The following COPG1 variants were observed in gnomAD, a reference collection of about 807,000 sequenced individuals.
COPG1 encodes the protein coat protein complex I subunit gamma 1, also known as coatomer subunit gamma-1.
In COPG1, 29 loss-of-function variants were observed where a neutral mutation model predicts 102.8. The ratio of observed to expected loss-of-function variants is 0.28; its 90% confidence interval spans 0.21 to 0.38. COPG1 has a LOEUF of 0.38. Among genes scored for constraint, COPG1 ranks in the 10% least tolerant of loss-of-function variants. The probability of loss-of-function intolerance (pLI) is 1.00; values close to 1 mark genes in which losing one functional copy is unlikely to be tolerated. For missense variants in COPG1, 875 were observed against 1,132.7 expected (o/e 0.77, Z 3.27); for synonymous variants, 406 against 421.6 (o/e 0.96, Z 0.45).
At chr3:129,252,492 C>T in intron 3 of COPG1, 131 bp downstream of exon 3, 1 of 1,014,846 alleles carries the variant, frequency 9.9e-7, no homozygotes, top group Non-Finnish European at 1.5e-6. Context: ...CTCTGGGTCC[C>T]CTCAGCATCC....
Position 129,277,721 on chromosome 3 carries a change from A to C in COPG1, c.*297A>C. On this transcript the variant is annotated 3_prime_UTR_variant, in exon 24 of 24. Coordinates refer to ENST00000314797, the MANE Select transcript of COPG1 (RefSeq NM_016128.4). The stretch of plus-strand genomic sequence containing the variant: ...AACATTCTCAACTCCTCTTGAATCT[A>C]TCCCCCAAGAAACCATCTTATCCCT... The C allele has an allele frequency of 3.3e-6, 1 of 301,384 alleles. No homozygotes were observed. 18.7% of individuals were successfully genotyped at this position (301,384 alleles called of 1,614,324 possible).
rs1940125902 is a variant in COPG1 at position 129,268,983 on chromosome 3, G to A, written c.1826G>A (p.Arg609Lys). The A allele has an allele frequency of 6.2e-7, 1 of 1,614,134 alleles. No individual in the cohort carries two copies. The highest frequency in any genetic ancestry group is 8.5e-7 in the Non-Finnish European group (1 of 1,180,008). The change falls in exon 18 of 24, where the codon AGG becomes AAG. Residue 609 changes from arginine to lysine, a missense_variant. Transcript: ENST00000314797. The stretch of plus-strand genomic sequence containing the variant: ...CAGCCTGAGAAAGTGGCAGCTACCA[G>A]GCAGGAGATCTTCCAGGGTGAGTCA... Reference protein sequence around the residue: ...VKQPEKVAATRQEIFQEQLAA... With the variant: ...VKQPEKVAATKQEIFQEQLAA...
chr3:129,249,865 G>T lies in COPG1; in HGVS notation c.37+119G>T, dbSNP rs377606579. 19 of 1,062,662 alleles carry T rather than the reference G, an allele frequency of 1.8e-5. 1 individual carries two copies. In the South Asian group the frequency reaches 2.1e-4, roughly 12 times the overall value. 65.8% of individuals were successfully genotyped at this position (1,062,662 alleles called of 1,614,324 possible). A position where few individuals can be genotyped will look rare whatever the true frequency, so the allele number is the denominator to read the frequency against. On this transcript the variant is annotated intron_variant, in intron 1 of 23. Coordinates refer to ENST00000314797, the MANE Select transcript of COPG1 (RefSeq NM_016128.4). ...AGTGAGGGGCAGGGGCTTGTGCCAGGGTCCACAGCTAGTCAGTGGCAGGCC... is the reference window on the plus strand; with the variant it reads ...AGTGAGGGGCAGGGGCTTGTGCCAGTGTCCACAGCTAGTCAGTGGCAGGCC...
Position 129,275,937 on chromosome 3 carries a change from C to G in COPG1, c.2494+645C>G, listed in dbSNP as rs959826612. Among the ~76,000 whole-genome samples the G allele has an allele frequency of 1.3e-5, 2 of 151,958 alleles. No individual in the cohort carries two copies. The highest frequency in any genetic ancestry group is 2.4e-5 in the African/African-American group (1 of 41,310). On this transcript the variant is annotated intron_variant, in intron 23 of 23. Transcript: ENST00000314797. This position sits in a 1 kb window ranked among gnomAD's most constrained non-coding sequence, Gnocchi z 5.0. The stretch of plus-strand genomic sequence containing the variant: ...TGAACATTTAGTTTGATTTCAATCT[C>G]TTGCTATTACAGATGTTACAGTAAA...
intron 12 of COPG1, among the ~76,000 whole-genome samples, chr3:129,261,918 A>G (rs1939933757): frequency 6.6e-6 from 1 of 152,196 alleles, no homozygotes; most frequent in East Asian, 1.9e-4. Context: ...CAATTTCTGT[A>G]ATTCTGTTAT....
At position 129,265,585 on chromosome 3, in the gene COPG1, A is replaced by G. The variant is rs1456474300; in HGVS notation, c.1261A>G (p.Ile421Val). 3.1e-6 allele frequency: 5 copies of G among 1,614,202 alleles called. No homozygotes were observed. Among genetic ancestry groups the G allele is most frequent in the Non-Finnish European group, 4.2e-6 (5 of 1,180,034 alleles). ...FEYKRAIVDC[I>V]ISIIEENSES... is the part of the protein sequence containing the mutation. ...GTATAAGCGCGCTATCGTGGACTGC[A>G]TCATCAGCATCATTGAAGAGAACTC... The change falls in exon 14 of 24, where the codon ATC becomes GTC. Residue 421 changes from isoleucine (I) to valine (V), a missense_variant. Transcript: ENST00000314797.
intron 8 of COPG1, 57 bp from the exon 9 acceptor site, chr3:129,257,413 A>AGG: frequency 6.3e-7 from 1 of 1,593,178 alleles, no homozygotes; most frequent in Non-Finnish European, 8.6e-7. Flanking sequence ...AGGGCCACAC[A>AGG]GCCAGTATAC....
chr3:129,275,929 T>C lies in COPG1; in HGVS notation c.2494+637T>C, dbSNP rs1940263348. Reference sequence around the variant, plus strand: ...ACTACTGATGAACATTTAGTTTGATTTCAATCTCTTGCTATTACAGATGTT... The same window carrying C: ...ACTACTGATGAACATTTAGTTTGATCTCAATCTCTTGCTATTACAGATGTT... On this transcript the variant is annotated intron_variant, in intron 23 of 23. Transcript: ENST00000314797. The surrounding 1 kb of genome is among the most constrained non-coding windows in gnomAD (Gnocchi z 5.0). 1.3e-5 allele frequency among the ~76,000 whole-genome samples: 2 copies of C among 152,140 alleles called. No individual in the cohort carries two copies. Among genetic ancestry groups the C allele is most frequent in the African/African-American group, 4.8e-5 (2 of 41,430 alleles).
At chr3:129,269,660 T>C (rs9784282) in intron 18 of COPG1, among the ~76,000 whole-genome samples, 16,297 of 152,012 alleles carry the variant, frequency 0.11, 2,475 homozygotes, top group African/African-American at 0.34. Flanking sequence ...GGCTCCCAAT[T>C]AATGTTGAAT....
intron 5 of COPG1, 78 bp downstream of exon 5, chr3:129,253,033 T>A: frequency 7.7e-7 from 1 of 1,291,538 alleles, no homozygotes; most frequent in Non-Finnish European, 1.1e-6. Flanking sequence ...TACCAGACAG[T>A]GAGACTTGGT....
intron 15 of COPG1, 66 bp from the exon 16 acceptor site, chr3:129,267,871 C>A: frequency 8.0e-7 from 1 of 1,252,662 alleles, no homozygotes; most frequent in Non-Finnish European, 1.2e-6. Context: ...CTAATGAAGC[C>A]ATGCAGGATC....
At chr3:129,263,298 G>A (rs996064344) in intron 12 of COPG1, among the ~76,000 whole-genome samples, 2 of 152,140 alleles carry the variant, frequency 1.3e-5, no homozygotes, top group Non-Finnish European at 2.9e-5. Flanking sequence ...ATTGGATGAG[G>A]GAGGGGGAAG....
At position 129,250,743 on chromosome 3, in the gene COPG1, C is replaced by T; in HGVS notation, c.90+9C>T. ...GTGCGGTACTCCAGGAGGCAAGTGA[C>T]ATTTGCTCCCCTCTAGCTTCCATCA... On this transcript the variant is annotated intron_variant, in intron 2 of 23. Transcript: ENST00000314797. 3.7e-6 allele frequency: 6 copies of T among 1,612,040 alleles called. No homozygotes were observed. The highest frequency in any genetic ancestry group is 5.1e-6 in the Non-Finnish European group (6 of 1,178,162).
rs1274615164 is a variant in COPG1 at position 129,260,409 on chromosome 3, C to G, written c.939+9C>G. The G allele has an allele frequency of 6.2e-7, 1 of 1,613,394 alleles. No individual in the cohort carries two copies. The highest frequency in any genetic ancestry group is 1.3e-5 in the African/African-American group (1 of 74,878). Reference sequence around the variant, plus strand: ...TTCGTACCCTCAATAAGGTAAGAGTCCAGCTTGGGGGTTGGAGGAAGCTGT... The same window carrying G: ...TTCGTACCCTCAATAAGGTAAGAGTGCAGCTTGGGGGTTGGAGGAAGCTGT... On this transcript the variant is annotated intron_variant, in intron 11 of 23. Transcript: ENST00000314797.
chr3:129,267,512 T>C (rs1003191059), intron 15 of COPG1, among the ~76,000 whole-genome samples: 9 of 151,994 alleles, frequency 5.9e-5, no homozygotes, highest in African/African-American at 1.7e-4. Context: ...TCCCAGCTAC[T>C]TGGGAGGCTG....
At chr3:129,250,563 C>T in intron 1 of COPG1, 119 bp from the exon 2 acceptor site, 2 of 775,974 alleles carry the variant, frequency 2.6e-6, no homozygotes, top group Non-Finnish European at 4.4e-6. Context: ...GATTGCCATT[C>T]CTGAGGAGTT....
intron 1 of COPG1, among the ~76,000 whole-genome samples, chr3:129,250,012 G>T (rs1004845430): frequency 1.6e-4 from 25 of 152,004 alleles, no homozygotes; most frequent in Non-Finnish European, 2.6e-4. Context: ...TCTGTCAAAG[G>T]AGGGGACCAT....
Position 129,275,038 on chromosome 3 carries a change from A to C in COPG1, c.2395+62A>C. ...TGTTCAAGATCTTTGGCTACTATTG[A>C]AGTGCTCATCCCTTTTCTCTCCAAG... On this transcript the variant is annotated intron_variant, in intron 22 of 23. Coordinates refer to ENST00000314797, the MANE Select transcript of COPG1 (RefSeq NM_016128.4). This position sits in a 1 kb window ranked among gnomAD's most constrained non-coding sequence, Gnocchi z 5.0. 1 of 1,583,230 alleles carries C rather than the reference A, an allele frequency of 6.3e-7. No homozygotes were observed. The highest frequency in any genetic ancestry group is 8.7e-7 in the Non-Finnish European group (1 of 1,154,226).
chr3:129,261,057 A>G (rs1939916672), intron 12 of COPG1, among the ~76,000 whole-genome samples: 1 of 152,208 alleles, frequency 6.6e-6, no homozygotes, highest in African/African-American at 2.4e-5. Context: ...TTAAGGGTTC[A>G]TTGATTTGTT....
Sources: allele counts gnomAD v4.1 joint callset (sites outside exome capture counted in the v4.1 genomes callset), GRCh38; gene constraint gnomAD v4.1.1; non-coding constraint Gnocchi (gnomAD v3.1); transcripts MANE v1.5; gene names NCBI Gene and HGNC (gene_info 2026-07-23, HGNC 2026-07-21).